PFKM: variants seen among roughly 807,000 people sequenced by gnomAD.
The protein encoded by PFKM is phosphofructokinase, muscle.
Under a neutral mutation model 95.5 loss-of-function variants are expected in PFKM, and 58 were observed. The observed-to-expected ratio is 0.61, with a 90% CI of 0.49 to 0.76. PFKM has a LOEUF of 0.76. Ranked by LOEUF, PFKM falls within the 30% of genes least tolerant of loss-of-function variation. The probability of loss-of-function intolerance (pLI) is 0.00; values close to 1 mark genes in which losing one functional copy is unlikely to be tolerated. For missense variants in PFKM, 678 were observed against 1,005.4 expected (o/e 0.67, Z 4.40); for synonymous variants, 336 against 357.2 (o/e 0.94, Z 0.67).
intron 2 of PFKM, among the ~76,000 whole-genome samples, chr12:48,129,797 A>C (rs1012713258): frequency 6.6e-6 from 1 of 152,250 alleles, no homozygotes; most frequent in African/African-American, 2.4e-5. Flanking sequence ...GATTCAGTGC[A>C]GAAAGCAAGG....
At chr12:48,121,717 A>G (rs1948297959) in intron 1 of PFKM, among the ~76,000 whole-genome samples, 1 of 152,212 alleles carries the variant, frequency 6.6e-6, no homozygotes, top group African/African-American at 2.4e-5. Flanking sequence ...ACACAAGCAC[A>G]GGGAAACCAG....
chr12:48,144,697 A>G (rs1429507520), intron 20 of PFKM, among the ~76,000 whole-genome samples: 2 of 152,262 alleles, frequency 1.3e-5, no homozygotes, highest in African/African-American at 2.4e-5. Context: ...ACAGTGATCA[A>G]CAAAAGCTGC....
At chr12:48,130,636 T>C (rs1949376736) in intron 3 of PFKM, among the ~76,000 whole-genome samples, 200 bp downstream of exon 3, 1 of 152,204 alleles carries the variant, frequency 6.6e-6, no homozygotes, top group African/African-American at 2.4e-5. Context: ...ATCTACAAAC[T>C]GGGTCTTCAT....
intron 3 of PFKM, among the ~76,000 whole-genome samples, chr12:48,112,871 A>T (rs1947331271): frequency 6.6e-6 from 1 of 152,074 alleles, no homozygotes. Flanking sequence ...GTGCTGCGGG[A>T]TGGGATATTG....
intron 6 of PFKM, 135 bp from the exon 7 acceptor site, chr12:48,134,097 G>C: frequency 1.3e-6 from 1 of 794,148 alleles, no homozygotes; most frequent in Non-Finnish European, 2.3e-6. Flanking sequence ...AGGTCTTCCT[G>C]GTCTCAGGAA....
upstream of PFKM, among the ~76,000 whole-genome samples, chr12:48,116,081 C>T (rs147682384): frequency 8.4e-3 from 1,273 of 152,224 alleles, 15 homozygotes; most frequent in African/African-American, 0.028. Context: ...TTGTTCACAT[C>T]CGCTGTAATA....
chr12:48,133,518 G>A, intron 6 of PFKM, 38 bp downstream of exon 6: 1 of 1,586,762 alleles, frequency 6.3e-7, no homozygotes, highest in Non-Finnish European at 8.7e-7. Context: ...TAAGAAGATG[G>A]CAGCTAGGAC....
chr12:48,124,406 G>T (rs1201697869), intron 2 of PFKM, among the ~76,000 whole-genome samples: 2 of 152,158 alleles, frequency 1.3e-5, no homozygotes, highest in African/African-American at 4.8e-5. Flanking sequence ...AATGATCTGT[G>T]GACCCAGATT....
At position 48,141,337 on chromosome 12, in the gene PFKM, T is replaced by C; in HGVS notation, c.1368T>C (p.Val456=). ...TAGAGGAAGCTGGCTGGAGCTATGT[T>C]GGGGGCTGGACTGGCCAAGGTGGCT... The part of the protein sequence containing the change: ...GQIEEAGWSY[V]GGWTGQGGSK... Residue 456 remains valine, a synonymous_variant, in exon 15 of 23, where the codon GTT becomes GTC. Transcript: ENST00000359794. 1 of 1,614,122 alleles carries C rather than the reference T, an allele frequency of 6.2e-7. No homozygotes were observed. The highest frequency in any genetic ancestry group is 8.5e-7 in the Non-Finnish European group (1 of 1,180,010).
chr12:48,140,053 C>T (rs1399862639), intron 13 of PFKM, 141 bp downstream of exon 13: 2 of 663,734 alleles, frequency 3.0e-6, no homozygotes, highest in Non-Finnish European at 5.5e-6. Flanking sequence ...GGTCCCTGGC[C>T]CTATTATAAT....
chr12:48,125,816 A>G (rs376650629), intron 2 of PFKM, among the ~76,000 whole-genome samples: 12 of 152,194 alleles, frequency 7.9e-5, no homozygotes, highest in African/African-American at 2.4e-4. Flanking sequence ...CTGGCTTGCT[A>G]TTCTAAGGTT....
At chr12:48,106,326 C>G in intron 1 of PFKM, 1 of 566,320 alleles carries the variant, frequency 1.8e-6, no homozygotes, top group Non-Finnish European at 3.1e-6. Flanking sequence ...GTGAGCCCTT[C>G]GTCCTATGCT....
At chr12:48,113,729 G>T (rs899068273) in intron 3 of PFKM, among the ~76,000 whole-genome samples, 1 of 152,174 alleles carries the variant, frequency 6.6e-6, no homozygotes, top group Non-Finnish European at 1.5e-5. Flanking sequence ...TCAGAAATAC[G>T]TTGCCTCTAC....
upstream of PFKM, among the ~76,000 whole-genome samples, chr12:48,114,904 G>A (rs1034211914): frequency 1.3e-5 from 2 of 152,170 alleles, no homozygotes; most frequent in African/African-American, 4.8e-5. Context: ...TTTTAGGTCA[G>A]GTGAGAGTTG....
intron 5 of PFKM, 48 bp downstream of exon 5, chr12:48,133,105 A>C: frequency 6.6e-7 from 1 of 1,524,846 alleles, no homozygotes; most frequent in East Asian, 2.2e-5. Flanking sequence ...CGGTACGTGC[A>C]CGCGTGTACA....
At chr12:48,133,562 G>A (rs1043521887) in intron 6 of PFKM, 82 bp downstream of exon 6, 10 of 1,308,180 alleles carry the variant, frequency 7.6e-6, no homozygotes, top group South Asian at 1.2e-5. Flanking sequence ...GAAGACTAAA[G>A]CGTTTGAGCT....
intron 4 of PFKM, chr12:48,131,767 T>C (rs1949517599): frequency 2.7e-6 from 1 of 366,006 alleles, no homozygotes; most frequent in South Asian, 2.2e-5. Context: ...CCAGTCCTCA[T>C]GTGATGGAGA....
chr12:48,119,400 C>CTT lies in PFKM; in HGVS notation c.-14_-13insTT. The CTT allele has an allele frequency of 5.1e-6, 5 of 985,902 alleles. No individual in the cohort carries two copies. Among genetic ancestry groups the CTT allele is most frequent in the Non-Finnish European group, 6.0e-6 (5 of 830,258 alleles). The allele number at this position is 985,902 out of a possible 1,614,324, so 61.1% of individuals were successfully genotyped here. A position where few individuals can be genotyped will look rare whatever the true frequency, so the allele number is the denominator to read the frequency against. ...AAGCAGCGGCGGAGGAGAGCTAAGA[C>CTT]TAAAAGGCAAGAGGGGCCATTGAGT... On this transcript the variant is annotated 5_prime_UTR_variant, in exon 1 of 23. Transcript: ENST00000359794.
At chr12:48,115,900 T>G (rs1565847249), upstream of PFKM, among the ~76,000 whole-genome samples, 1 of 152,228 alleles carries the variant, frequency 6.6e-6, no homozygotes. Context: ...CTATGAACAT[T>G]GGTATACAGA....
Sources: gnomAD v4.1 joint callset for allele counts (sites outside exome capture counted in the v4.1 genomes callset) on GRCh38, gnomAD v4.1.1 for gene constraint, MANE v1.5 for transcripts, NCBI Gene and HGNC (gene_info 2026-07-23, HGNC 2026-07-21) for gene names.